Variants in SOX5 observed in about 807,000 individuals in gnomAD.
SOX5 encodes the protein transcription factor SOX-5.
SOX5 carries 9 observed loss-of-function variants against 92.0 expected under a neutral mutation model. The observed-to-expected ratio is 0.10, with a 90% CI of 0.06 to 0.17. The LOEUF (loss-of-function observed/expected upper bound fraction) is 0.17, where lower values mean the gene tolerates loss of function less well. SOX5 is among the 10% of genes least tolerant of loss of function. SOX5 has a pLI of 1.00. For synonymous variants in SOX5, 344 were observed against 336.3 expected, an observed-to-expected ratio of 1.02 and a Z score of -0.25; for missense variants, 642 against 944.5, an observed-to-expected ratio of 0.68 and a Z score of 4.20.
At chr12:23,888,042 G>T (rs1659727638) in intron 2 of SOX5, among the ~76,000 whole-genome samples, 1 of 151,940 alleles carries the variant, frequency 6.6e-6, no homozygotes, top group African/African-American at 2.4e-5. Flanking sequence ...CTTTTCAACT[G>T]TGAGGCTCCT....
chr12:23,973,161 T>TTC (rs2140165199), intron 4 of SOX5, among the ~76,000 whole-genome samples: 1 of 13,226 alleles, frequency 7.6e-5, no homozygotes, highest in East Asian at 1.0e-3. Flanking sequence ...AACTTTTTTC[T>TTC]TTTTTTTTTT....
chr12:24,397,020 A>G (rs1381640902), intron 1 of SOX5, among the ~76,000 whole-genome samples: 1 of 152,252 alleles, frequency 6.6e-6, no homozygotes, highest in Non-Finnish European at 1.5e-5. Context: ...ACTTACATAT[A>G]GAGAGTTGTG....
intron 6 of SOX5, among the ~76,000 whole-genome samples, chr12:23,707,018 A>G (rs2091470609): frequency 6.6e-6 from 1 of 152,150 alleles, no homozygotes; most frequent in Admixed American, 6.6e-5. Flanking sequence ...CTCATGGCTT[A>G]AGACAATTCT....
intron 4 of SOX5, among the ~76,000 whole-genome samples, chr12:23,970,045 C>T (rs1948046899): frequency 6.6e-6 from 1 of 152,146 alleles, no homozygotes; most frequent in South Asian, 2.1e-4. Context: ...AGCATGTCAG[C>T]GTGCACAAGT....
intron 2 of SOX5, among the ~76,000 whole-genome samples, chr12:24,316,754 C>A (rs1949730969): frequency 6.6e-6 from 1 of 152,048 alleles, no homozygotes; most frequent in South Asian, 2.1e-4. Context: ...ATAGAGGCTT[C>A]CTTTAAAAAG....
chr12:23,570,621 C>A (rs1376361321), intron 10 of SOX5, among the ~76,000 whole-genome samples: 2 of 151,424 alleles, frequency 1.3e-5, no homozygotes, highest in Non-Finnish European at 1.5e-5. Context: ...TAAAAAAATA[C>A]AAAAATTGGT....
intron 2 of SOX5, among the ~76,000 whole-genome samples, chr12:24,363,627 TTTACA>T (rs1418379426): frequency 6.6e-6 from 1 of 152,086 alleles, no homozygotes; most frequent in Non-Finnish European, 1.5e-5. Flanking sequence ...TCATAAATCA[TTTACA>T]TTAAACAGTG....
intron 10 of SOX5, among the ~76,000 whole-genome samples, chr12:23,567,464 A>ATTTTTTTTTTTTTTTTTTTTTTTTTTTT (rs35620007): frequency 8.4e-6 from 1 of 119,154 alleles, no homozygotes; most frequent in Non-Finnish European, 1.7e-5. Flanking sequence ...ATTTGATTTG[A>ATTTTTTTTTTTTTTTTTTTTTTTTTTTT]TTTTTTTTTT....
intron 4 of SOX5, among the ~76,000 whole-genome samples, chr12:23,967,265 ATC>A (rs1366454868): frequency 2.6e-5 from 4 of 152,156 alleles, no homozygotes; most frequent in Non-Finnish European, 4.4e-5. Context: ...TGTGAAAAAT[ATC>A]TCTGTTTAAA....
At chr12:24,284,677 C>T (rs1945637635) in intron 2 of SOX5, among the ~76,000 whole-genome samples, 1 of 152,132 alleles carries the variant, frequency 6.6e-6, no homozygotes, top group Non-Finnish European at 1.5e-5. Context: ...ATGGTTCCAG[C>T]TGCAGTCCAG....
At chr12:24,409,165 G>A (rs553544733) in intron 1 of SOX5, among the ~76,000 whole-genome samples, 1 of 152,318 alleles carries the variant, frequency 6.6e-6, no homozygotes, top group South Asian at 2.1e-4. Flanking sequence ...ATGAGATAAT[G>A]TCCTTTGCAG....
chr12:23,735,860 G>A (rs1276469746), intron 5 of SOX5, among the ~76,000 whole-genome samples: 1 of 152,094 alleles, frequency 6.6e-6, no homozygotes, highest in Admixed American at 6.6e-5. Context: ...TGCCCATGCT[G>A]TGACTTTATA....
chr12:24,471,471 A>G (rs1051858539), intron 1 of SOX5, among the ~76,000 whole-genome samples: 6 of 152,228 alleles, frequency 3.9e-5, no homozygotes, highest in African/African-American at 1.4e-4. Flanking sequence ...TATCCTGAGC[A>G]TTAATTATCA....
intron 4 of SOX5, among the ~76,000 whole-genome samples, chr12:24,198,416 A>G (rs553726474): frequency 6.6e-6 from 1 of 152,292 alleles, no homozygotes; most frequent in East Asian, 1.9e-4. Flanking sequence ...GTTTATCTGG[A>G]TCTCTCTATT....
intron 3 of SOX5, among the ~76,000 whole-genome samples, chr12:23,824,114 C>A (rs970257259): frequency 6.6e-6 from 1 of 152,200 alleles, no homozygotes; most frequent in African/African-American, 2.4e-5. Context: ...AAGCCTACTT[C>A]TGTCAATTCA....
At chr12:23,859,963 C>T (rs894997770) in intron 2 of SOX5, among the ~76,000 whole-genome samples, 6 of 151,940 alleles carry the variant, frequency 3.9e-5, no homozygotes, top group African/African-American at 1.5e-4. Context: ...TATTATGCAG[C>T]CATAACAAAG....
At chr12:23,925,297 G>A (rs1939639393) in intron 1 of SOX5, among the ~76,000 whole-genome samples, 1 of 152,084 alleles carries the variant, frequency 6.6e-6, no homozygotes, top group African/African-American at 2.4e-5. Context: ...ACTGAATAGA[G>A]TTAATGTTAA....
At chr12:23,991,540 A>G (rs143525151) in intron 4 of SOX5, among the ~76,000 whole-genome samples, 2,329 of 152,082 alleles carry the variant, frequency 0.015, 50 homozygotes, top group African/African-American at 0.052. Context: ...TTCCAGTTAT[A>G]AAATAAATTA....
rs558976631 is a variant in SOX5 at position 23,544,428 on chromosome 12, TG to T, written c.1598-1045del. Reference sequence around the variant, plus strand: ...AGTATCCAAAACTTTAAAAATACTTTGGGGACTTGTAGAGACTGTATTATCA... The same window carrying T: ...AGTATCCAAAACTTTAAAAATACTTTGGGACTTGTAGAGACTGTATTATCA... On this transcript the variant is annotated intron_variant, in intron 12 of 14. Transcript: ENST00000451604. Among the ~76,000 whole-genome samples the T allele has an allele frequency of 2.6e-3, 396 of 152,340 alleles. 5 individuals are homozygous for T. Among genetic ancestry groups the T allele is most frequent in the Admixed American group, 6.3e-3 (97 of 15,290 alleles).
Sources: allele counts gnomAD v4.1 joint callset (sites outside exome capture counted in the v4.1 genomes callset), GRCh38; gene constraint gnomAD v4.1.1; transcripts MANE v1.5; gene names NCBI Gene and HGNC (gene_info 2026-07-23, HGNC 2026-07-21).